The following SLC22A2 variants were observed in gnomAD, a reference collection of about 807,000 sequenced individuals.
The protein encoded by SLC22A2 is solute carrier family 22 member 2, also known as organic cation transporter 2.
In SLC22A2, 46 loss-of-function variants were observed where a neutral mutation model predicts 60.5. The ratio of observed to expected loss-of-function variants is 0.76; its 90% CI spans 0.60 to 0.97. The LOEUF (loss-of-function observed/expected upper bound fraction) is 0.97, where lower values mean the gene tolerates loss of function less well. SLC22A2 is among the 50% of genes least tolerant of loss of function. The pLI, the probability that SLC22A2 is intolerant of heterozygous loss-of-function variation, is 0.00. For synonymous variants in SLC22A2, 303 were observed against 267.0 expected, an observed-to-expected ratio of 1.13 and a Z score of -1.31; for missense variants, 701 against 706.6, an observed-to-expected ratio of 0.99 and a Z score of 0.09.
At chr6:160,240,009 T>C (rs1392974745) in intron 9 of SLC22A2, among the ~76,000 whole-genome samples, 1 of 151,772 alleles carries the variant, frequency 6.6e-6, no homozygotes, top group Non-Finnish European at 1.5e-5. Context: ...AGGAGTGAAG[T>C]GGTGGGAGCT....
intron 9 of SLC22A2, among the ~76,000 whole-genome samples, chr6:160,237,294 G>A (rs919689624): frequency 1.2e-4 from 19 of 152,134 alleles, no homozygotes; most frequent in Admixed American, 2.6e-4. Context: ...TTCATGGAAA[G>A]CCTTCTAATT....
chr6:160,241,877 TTATATA>T (rs10532482), intron 8 of SLC22A2, among the ~76,000 whole-genome samples: 7 of 150,400 alleles, frequency 4.7e-5, no homozygotes, highest in Admixed American at 6.6e-5. Flanking sequence ...GCACAATATT[TTATATA>T]TATATATATA....
intron 9 of SLC22A2, among the ~76,000 whole-genome samples, chr6:160,236,627 T>C (rs1378426463): frequency 7.4e-6 from 1 of 135,964 alleles, no homozygotes; most frequent in Non-Finnish European, 1.6e-5. Context: ...GACTGGAATG[T>C]TGTGCTTTCC....
At chr6:160,237,686 A>C (rs113712815) in intron 9 of SLC22A2, among the ~76,000 whole-genome samples, 1 of 152,220 alleles carries the variant, frequency 6.6e-6, no homozygotes, top group Non-Finnish European at 1.5e-5. Flanking sequence ...TTTGAACCAG[A>C]GAAACTTTAT....
At chr6:160,233,459 A>C (rs1458367133) in intron 9 of SLC22A2, among the ~76,000 whole-genome samples, 1 of 151,798 alleles carries the variant, frequency 6.6e-6, no homozygotes, top group South Asian at 2.1e-4. Flanking sequence ...TTTTAAAAAC[A>C]CACCTCACGA....
intron 9 of SLC22A2, 42 bp from the exon 10 acceptor site, chr6:160,224,846 A>G: frequency 8.5e-7 from 1 of 1,172,936 alleles, no homozygotes; most frequent in South Asian, 1.7e-5. Flanking sequence ...GAACTGAAAA[A>G]CTCAAGGTCT....
intron 9 of SLC22A2, 95 bp from the exon 10 acceptor site, chr6:160,224,899 G>T (rs1782699672): frequency 5.8e-6 from 3 of 518,448 alleles, no homozygotes; most frequent in South Asian, 4.2e-5. Flanking sequence ...CTTTTTTTTA[G>T]CATTTTTCTA....
intron 2 of SLC22A2, among the ~76,000 whole-genome samples, chr6:160,251,134 T>G (rs148280135): frequency 6.6e-6 from 1 of 152,198 alleles, no homozygotes; most frequent in South Asian, 2.1e-4. Context: ...GAAAACAAAA[T>G]TCAGTGTTCA....
At chr6:160,227,441 A>G (rs1352674957) in intron 9 of SLC22A2, among the ~76,000 whole-genome samples, 1 of 152,138 alleles carries the variant, frequency 6.6e-6, no homozygotes, top group African/African-American at 2.4e-5. Flanking sequence ...GCTTTTCTGG[A>G]CCAAACTAAT....
At chr6:160,220,709 T>C (rs919562083) in intron 10 of SLC22A2, among the ~76,000 whole-genome samples, 4 of 152,194 alleles carry the variant, frequency 2.6e-5, no homozygotes, top group Non-Finnish European at 4.4e-5. Flanking sequence ...TAAAACAACA[T>C]TAATCTTTAG....
intron 9 of SLC22A2, 67 bp downstream of exon 9, chr6:160,241,407 T>C (rs1782998147): frequency 5.2e-6 from 5 of 965,982 alleles, no homozygotes; most frequent in Non-Finnish European, 8.3e-6. Flanking sequence ...TTGAATGAAG[T>C]AGAAGAGAAG....
rs1440717826 is a variant in SLC22A2, at chr6:160,245,460, G to C, written c.1043C>G (p.Thr348Ser). 6.3e-7 allele frequency: 1 copy of C among 1,592,272 alleles called. No individual in the cohort carries two copies. The highest frequency in any genetic ancestry group is 8.6e-7 in the Non-Finnish European group (1 of 1,163,262). The change falls in exon 6 of 11, where the codon ACT (threonine) becomes AGT (serine). Residue 348 changes from threonine (T) to serine (S), a missense_variant. Transcript: ENST00000366953. Reference sequence around the variant, plus strand: ...TTACCAGTTGTACATCAATATCATAGTATGTTTCCTTATCTGAGGAGTTCT... The same window carrying C: ...TTACCAGTTGTACATCAATATCATACTATGTTTCCTTATCTGAGGAGTTCT... ...LVRTPQIRKH[T>S]MILMYNWFTS...
At position 160,258,390 on chromosome 6, in the gene SLC22A2, C is replaced by T. The variant is rs561955985; in HGVS notation, c.368G>A (p.Arg123Gln). ...NRSRLPLGPC[R>Q]DGWVYETPGS... is the part of the protein sequence containing the mutation. ...AGGCGTCTCGTACACCCAGCCGTCCCGGCAGGGGCCCAGTGGCAGGCGGCT... is the reference window on the plus strand; with the variant it reads ...AGGCGTCTCGTACACCCAGCCGTCCTGGCAGGGGCCCAGTGGCAGGCGGCT... The change falls in exon 1 of 11, where the codon CGG (arginine) becomes CAG (glutamine). Residue 123 changes from arginine (R) to glutamine (Q), a missense_variant. Physicochemically the swap from Arg to Gln is conservative, Grantham distance 43. Transcript: ENST00000366953. 2.8e-5 allele frequency: 45 copies of T among 1,613,848 alleles called. 1 individual carries two copies. The South Asian group carries it at 4.4e-4, about 16-fold the overall frequency.
chr6:160,258,648 T>G lies in SLC22A2; in HGVS notation c.110A>C (p.Tyr37Ser). 1 of 1,613,756 alleles carries G rather than the reference T, an allele frequency of 6.2e-7. No homozygotes were observed. Among genetic ancestry groups the G allele is most frequent in the Non-Finnish European group, 8.5e-7 (1 of 1,179,920 alleles). ...GAAGCCCAGGAAGACGATGCCCACG[T>G]AGATGGGCGCGAAGGTAGCCGAGAG... Reference protein sequence around the residue: ...ALLSATFAPIYVGIVFLGFTP... With the variant: ...ALLSATFAPISVGIVFLGFTP... The change falls in exon 1 of 11, where the codon TAC (tyrosine) becomes TCC (serine). Residue 37 changes from tyrosine (Y) to serine (S), a missense_variant. Coordinates refer to ENST00000366953, the MANE Select transcript of SLC22A2 (RefSeq NM_003058.4).
chr6:160,235,042 AGTTT>A, intron 9 of SLC22A2, among the ~76,000 whole-genome samples: 1 of 152,330 alleles, frequency 6.6e-6, no homozygotes, highest in African/African-American at 2.4e-5. Flanking sequence ...GTTAAAAGTC[AGTTT>A]GTTCAAGCTC....
In SLC22A2 at chr6:160,232,785, A is replaced by C. The variant is rs570669796; in HGVS notation, c.1502-7981T>G. 4.6e-5 allele frequency among the ~76,000 whole-genome samples: 7 copies of C among 151,948 alleles called. No homozygotes were observed. In the South Asian group the frequency reaches 8.3e-4, roughly 18 times the overall value. The stretch of plus-strand genomic sequence containing the variant: ...TAGCTAAAAAAGCAGCTAGCATTCC[A>C]ACTTCTATCCCTCACGGCAGTTTTT... On this transcript the variant is annotated intron_variant, in intron 9 of 10. Transcript: ENST00000366953.
At chr6:160,233,982 C>T (rs315982) in intron 9 of SLC22A2, among the ~76,000 whole-genome samples, 106,130 of 152,014 alleles carry the variant, frequency 0.7, 38,909 homozygotes, top group Admixed American at 0.82. Flanking sequence ...TGCACGTATA[C>T]ATCCAGATGG....
rs1254383406 is a variant in SLC22A2, at chr6:160,224,703, A to C, written c.1601+2T>G. 6.9e-6 allele frequency: 11 copies of C among 1,594,822 alleles called. No homozygotes were observed. The highest frequency in any genetic ancestry group is 8.6e-6 in the Non-Finnish European group (10 of 1,167,484). ...ATTCATTTAGAACTTTCAACTGCCTACCTTTGCATATTTTCGGCTTCCTCG... is the reference window on the plus strand; with the variant it reads ...ATTCATTTAGAACTTTCAACTGCCTCCCTTTGCATATTTTCGGCTTCCTCG... On this transcript the variant is annotated splice_donor_variant, in intron 10 of 10. Transcript: ENST00000366953. LOFTEE classifies it high-confidence loss of function.
At chr6:160,234,874 T>A (rs966821153) in intron 9 of SLC22A2, among the ~76,000 whole-genome samples, 1 of 152,228 alleles carries the variant, frequency 6.6e-6, no homozygotes, top group Non-Finnish European at 1.5e-5. Flanking sequence ...AGGGAATGAA[T>A]CCTTTCTGGT....
Sources: allele counts gnomAD v4.1 joint callset (sites outside exome capture counted in the v4.1 genomes callset), GRCh38; gene constraint gnomAD v4.1.1; transcripts MANE v1.5; gene names NCBI Gene and HGNC (gene_info 2026-07-23, HGNC 2026-07-21).